RNASEH1: variants seen among roughly 807,000 people sequenced by gnomAD.
RNASEH1 encodes ribonuclease H1.
In RNASEH1, 27 loss-of-function variants were observed where a neutral mutation model predicts 34.6. The ratio of observed to expected loss-of-function variants is 0.78; its 90% CI spans 0.58 to 1.08. The LOEUF is 1.08. Among genes scored for constraint, RNASEH1 ranks in the 50% least tolerant of loss-of-function variants. The pLI, the probability that RNASEH1 is intolerant of heterozygous loss-of-function variation, is 0.00. For missense variants in RNASEH1, 349 were observed against 373.6 expected, an observed-to-expected ratio of 0.93 and a Z score of 0.54; for synonymous variants, 162 against 138.4, an observed-to-expected ratio of 1.17 and a Z score of -1.20.
the RNASEH1 span, among the ~76,000 whole-genome samples, chr2:3,535,474 A>AT: frequency 2.8e-4 from 43 of 151,476 alleles, no homozygotes; most frequent in Non-Finnish European, 5.2e-4. Flanking sequence ...TATGTTATGT[A>AT]TATTTTACCA....
chr2:3,552,477 T>C (rs1295252975), intron 2 of RNASEH1, among the ~76,000 whole-genome samples, 169 bp from the exon 3 acceptor site: 3 of 123,144 alleles, frequency 2.4e-5, no homozygotes, highest in Admixed American at 8.3e-5. Context: ...CTCCACGCCA[T>C]CTCCACCCCC....
intron 2 of RNASEH1, among the ~76,000 whole-genome samples, chr2:3,555,161 T>C (rs1193191233): frequency 6.6e-6 from 1 of 152,222 alleles, no homozygotes; most frequent in East Asian, 1.9e-4. Context: ...TCCAGATGTC[T>C]GTGCTCATCG....
rs752928175 is a variant in RNASEH1, at chr2:3,547,907, G to A, written c.774+24C>T. 6 of 1,611,674 alleles carry A rather than the reference G, an allele frequency of 3.7e-6. No individual in the cohort carries two copies. The Admixed American group carries it at 6.7e-5, about 18-fold the overall frequency. On this transcript the variant is annotated intron_variant, in intron 7 of 7. Coordinates refer to ENST00000315212, the MANE Select transcript of RNASEH1 (RefSeq NM_002936.6). ...GCTTATTTGGTCATAATGGCCATAG[G>A]ACATGAACATTTAAGATACTCACCC...
downstream of RNASEH1, among the ~76,000 whole-genome samples, chr2:3,541,154 C>T (rs1052699076): frequency 1.3e-5 from 2 of 151,912 alleles, no homozygotes; most frequent in Non-Finnish European, 2.9e-5. Context: ...CAGTGAAACC[C>T]CACCTCTACT....
chr2:3,548,158 A>C, intron 6 of RNASEH1, 103 bp from the exon 7 acceptor site: 1 of 1,353,818 alleles, frequency 7.4e-7, no homozygotes, highest in Non-Finnish European at 1.0e-6. Flanking sequence ...ATTCTGAGTC[A>C]CCATCCTTGA....
In RNASEH1 at chr2:3,543,613, C is replaced by T. The variant is rs115854886; in HGVS notation, c.*2172G>A. 3.3e-3 allele frequency among the ~76,000 whole-genome samples: 497 copies of T among 152,014 alleles called. 1 individual carries two copies. The highest frequency in any genetic ancestry group is 0.011 in the African/African-American group (455 of 41,412). ...AACCCACCAAGTATGCTTAACTCCA[C>T]AAATTCTTTTTTTTTTTTAAGACAA... On this transcript the variant is annotated 3_prime_UTR_variant, in exon 8 of 8. Transcript: ENST00000315212.
In RNASEH1 at chr2:3,556,878, C is replaced by T. The variant is rs1451703236; in HGVS notation, c.155G>A (p.Arg52Gln). ...TWNECRAQVDRFPAARFKKFA... is the reference protein window; with the variant it reads ...TWNECRAQVDQFPAARFKKFA... ...CTTCTTAAATCTGGCAGCAGGAAACCGGTCCACCTGTGCTCTGCACTCATT... is the reference window on the plus strand; with the variant it reads ...CTTCTTAAATCTGGCAGCAGGAAACTGGTCCACCTGTGCTCTGCACTCATT... Residue 52 changes from arginine (R) to glutamine (Q), a missense_variant, in exon 2 of 8, where the codon CGG becomes CAG. Coordinates refer to ENST00000315212, the MANE Select transcript of RNASEH1 (RefSeq NM_002936.6). 6 of 1,613,974 alleles carry T rather than the reference C, an allele frequency of 3.7e-6. No homozygotes were observed. In the African/African-American group the frequency reaches 5.3e-5, roughly 14 times the overall value.
chr2:3,548,272 C>A (rs1193675120), intron 6 of RNASEH1, among the ~76,000 whole-genome samples: 1 of 152,214 alleles, frequency 6.6e-6, no homozygotes, highest in East Asian at 1.9e-4. Flanking sequence ...CTACAGCTGT[C>A]AGCTTAAGAT....
At chr2:3,548,595 TCA>T in intron 6 of RNASEH1, 43 bp downstream of exon 6, 1 of 1,335,582 alleles carries the variant, frequency 7.5e-7, no homozygotes, top group Non-Finnish European at 1.1e-6. Flanking sequence ...CAATTTCCCT[TCA>T]CAGTTACTGG....
intron 2 of RNASEH1, 133 bp from the exon 3 acceptor site, chr2:3,552,441 A>C: frequency 1.3e-6 from 1 of 747,356 alleles, no homozygotes; most frequent in Non-Finnish European, 2.1e-6. Context: ...GTGGCCCTAC[A>C]ACGAGGGAAA....
downstream of RNASEH1, among the ~76,000 whole-genome samples, chr2:3,538,365 A>G (rs973911006): frequency 7.3e-5 from 11 of 151,304 alleles, no homozygotes; most frequent in African/African-American, 2.4e-4. Flanking sequence ...AAAAATATAT[A>G]TAATATATAT....
Position 3,544,318 on chromosome 2 carries a change from C to G in RNASEH1, c.*1467G>C, listed in dbSNP as rs1381528588. Among the ~76,000 whole-genome samples the G allele has an allele frequency of 6.6e-6, 1 of 152,158 alleles. No individual in the cohort carries two copies. The highest frequency in any genetic ancestry group is 2.4e-5 in the African/African-American group (1 of 41,406). Reference sequence around the variant, plus strand: ...CCAATGTGCAGGAAACATAGAGGACCATGCTGAACTACACCATGACCACGT... The same window carrying G: ...CCAATGTGCAGGAAACATAGAGGACGATGCTGAACTACACCATGACCACGT... On this transcript the variant is annotated 3_prime_UTR_variant, in exon 8 of 8. Coordinates refer to ENST00000315212, the MANE Select transcript of RNASEH1 (RefSeq NM_002936.6).
rs972364275 is a variant in RNASEH1, at chr2:3,545,592, G to C, written c.*193C>G. On this transcript the variant is annotated 3_prime_UTR_variant, in exon 8 of 8. Transcript: ENST00000315212. Reference sequence around the variant, plus strand: ...CACATAATTCTCCAATCTCAAAGATGTTCAATTTATTATATACTTAACCAT... The same window carrying C: ...CACATAATTCTCCAATCTCAAAGATCTTCAATTTATTATATACTTAACCAT... The C allele has an allele frequency of 5.2e-6, 3 of 575,844 alleles. No individual in the cohort carries two copies. Among genetic ancestry groups the C allele is most frequent in the Non-Finnish European group, 6.2e-6 (2 of 321,518 alleles). 35.7% of individuals were successfully genotyped at this position (575,844 alleles called of 1,614,324 possible).
At chr2:3,554,304 C>T (rs114288983) in intron 2 of RNASEH1, among the ~76,000 whole-genome samples, 1,816 of 152,192 alleles carry the variant, frequency 0.012, 12 homozygotes, top group South Asian at 0.024. Context: ...AACCTTAACA[C>T]GGATATAAAC....
chr2:3,532,108 G>A, the RNASEH1 span: 14 of 622,934 alleles, frequency 2.2e-5, no homozygotes, highest in South Asian at 1.7e-4. Flanking sequence ...TGACGAGTCA[G>A]GGAAGGGGAG....
intron 1 of RNASEH1, 138 bp from the exon 2 acceptor site, chr2:3,557,042 A>C (rs1451116556): frequency 9.5e-6 from 6 of 632,582 alleles, no homozygotes; most frequent in Non-Finnish European, 1.7e-5. Context: ...CCACCCCATC[A>C]CAGATACCAA....
At chr2:3,540,843 A>G (rs1668255169), downstream of RNASEH1, among the ~76,000 whole-genome samples, 1 of 152,048 alleles carries the variant, frequency 6.6e-6, no homozygotes, top group Admixed American at 6.6e-5. Context: ...CAGCAGGAGC[A>G]TGCTTTTTGA....
At chr2:3,535,886 T>C in the RNASEH1 span, among the ~76,000 whole-genome samples, 1 of 152,128 alleles carries the variant, frequency 6.6e-6, no homozygotes, top group Non-Finnish European at 1.5e-5. Flanking sequence ...CTGATCAGAC[T>C]AGAGATGTGT....
chr2:3,549,164 G>A (rs746560686), intron 4 of RNASEH1, 52 bp from the exon 5 acceptor site: 1 of 1,334,288 alleles, frequency 7.5e-7, no homozygotes, highest in Non-Finnish European at 1.1e-6. Flanking sequence ...AATTCTCAAA[G>A]TGATTCTTCT....
Sources: gnomAD v4.1 joint callset for allele counts (sites outside exome capture counted in the v4.1 genomes callset) on GRCh38, gnomAD v4.1.1 for gene constraint, MANE v1.5 for transcripts, NCBI Gene and HGNC (gene_info 2026-07-23, HGNC 2026-07-21) for gene names.